Variants in CLMN observed in about 807,000 individuals in gnomAD.
CLMN encodes calmin.
In CLMN, 57 loss-of-function variants were observed where a neutral mutation model predicts 92.7. The ratio of observed to expected loss-of-function variants is 0.61; its 90% CI spans 0.50 to 0.77. The LOEUF (loss-of-function observed/expected upper bound fraction) is 0.77. Among genes scored for constraint, CLMN ranks in the 30% least tolerant of loss-of-function variants. The pLI is 0.00. For missense variants in CLMN, 1,158 were observed against 1,237.5 expected (o/e 0.94, Z 0.96); for synonymous variants, 466 against 470.6 (o/e 0.99, Z 0.13).
intron 1 of CLMN, among the ~76,000 whole-genome samples, chr14:95,261,545 G>A (rs1317936652): frequency 6.6e-6 from 1 of 152,254 alleles, no homozygotes; most frequent in Non-Finnish European, 1.5e-5. Flanking sequence ...CTCAGGTATA[G>A]TGCTGAAGTG....
At chr14:95,264,946 A>AC (rs1899412604) in intron 1 of CLMN, among the ~76,000 whole-genome samples, 1 of 151,380 alleles carries the variant, frequency 6.6e-6, no homozygotes, top group African/African-American at 2.4e-5. Context: ...TACCAAAAAA[A>AC]AAAAAAAAAA....
At chr14:95,236,241 T>C (rs1222751050) in intron 1 of CLMN, among the ~76,000 whole-genome samples, 1 of 152,236 alleles carries the variant, frequency 6.6e-6, no homozygotes, top group East Asian at 1.9e-4. Context: ...GCTGAGGTGC[T>C]GTGTGGTGCA....
At chr14:95,200,395 C>T (rs1016118634) in intron 9 of CLMN, among the ~76,000 whole-genome samples, 7 of 152,178 alleles carry the variant, frequency 4.6e-5, no homozygotes, top group Non-Finnish European at 5.9e-5. Flanking sequence ...CCAGATGCAT[C>T]GCTTTCCATG....
chr14:95,235,206 G>A (rs1431892143), intron 1 of CLMN, among the ~76,000 whole-genome samples: 1 of 152,094 alleles, frequency 6.6e-6, no homozygotes, highest in East Asian at 1.9e-4. Context: ...GTTTCTCAAC[G>A]TGTGGCCCAC....
At chr14:95,239,278 G>T (rs763725130) in intron 1 of CLMN, among the ~76,000 whole-genome samples, 2 of 152,148 alleles carry the variant, frequency 1.3e-5, no homozygotes, top group Non-Finnish European at 2.9e-5. Context: ...CTAAGACATA[G>T]ACCTCATGGG....
chr14:95,200,918 G>T (rs1378662514), intron 9 of CLMN, among the ~76,000 whole-genome samples: 1 of 150,326 alleles, frequency 6.7e-6, no homozygotes, highest in Non-Finnish European at 1.5e-5. Flanking sequence ...GTGCATGCTA[G>T]ATGTTAGCTA....
At chr14:95,245,254 A>ATATATAAT (rs1491364370) in intron 1 of CLMN, among the ~76,000 whole-genome samples, 2 of 27,976 alleles carry the variant, frequency 7.1e-5, no homozygotes, top group African/African-American at 2.1e-4. Flanking sequence ...ATATATATAT[A>ATATATAAT]ATATATATAT....
At chr14:95,236,283 T>C (rs1898053026) in intron 1 of CLMN, among the ~76,000 whole-genome samples, 1 of 152,172 alleles carries the variant, frequency 6.6e-6, no homozygotes, top group Non-Finnish European at 1.5e-5. Flanking sequence ...CCTGGGGGCA[T>C]GTGCTCTTCA....
At chr14:95,249,599 CT>C (rs757448498) in intron 1 of CLMN, among the ~76,000 whole-genome samples, 12 of 148,722 alleles carry the variant, frequency 8.1e-5, no homozygotes, top group Non-Finnish European at 9.0e-5. Flanking sequence ...TTTTCTTTTT[CT>C]TTTTTTTTTG....
At chr14:95,198,038 CTTTCTTTTTTTTTT>C (rs1378379627) in intron 9 of CLMN, among the ~76,000 whole-genome samples, 2,189 of 122,564 alleles carry the variant, frequency 0.018, 66 homozygotes, top group African/African-American at 0.061. Context: ...ATCTTTTTTT[CTTTCTTTTTTTTTT>C]TTTTTTTTTT....
chr14:95,193,433 A>C, intron 12 of CLMN: 2 of 1,473,550 alleles, frequency 1.4e-6, no homozygotes, highest in Non-Finnish European at 1.8e-6. Context: ...GGCAACAGAG[A>C]ATGGACAGGC....
At chr14:95,247,207 T>C (rs1898606294) in intron 1 of CLMN, among the ~76,000 whole-genome samples, 1 of 152,122 alleles carries the variant, frequency 6.6e-6, no homozygotes, top group Non-Finnish European at 1.5e-5. Flanking sequence ...TGGAATGAAG[T>C]CCCTACATGG....
chr14:95,208,741 G>A (rs1897114615), intron 8 of CLMN, among the ~76,000 whole-genome samples: 1 of 152,168 alleles, frequency 6.6e-6, no homozygotes, highest in Admixed American at 6.5e-5. Context: ...GTCAACTGTG[G>A]TCTGAAAAGA....
In CLMN at chr14:95,294,009, G is replaced by A. The variant is rs555104832; in HGVS notation, c.82+25702C>T. On this transcript the variant is annotated intron_variant, in intron 1 of 12. Transcript: ENST00000298912. The surrounding 1 kb of genome is among the most constrained non-coding windows in gnomAD (Gnocchi z 4.2). ...GCCAGCCCCACTGCCTGGCTGGAGG[G>A]TGACACCAAAGAGGAGGAGGAGGAG... Among the ~76,000 whole-genome samples the A allele has an allele frequency of 7.1e-6, 1 of 141,732 alleles. No homozygotes were observed. The highest frequency in any genetic ancestry group is 2.6e-5 in the African/African-American group (1 of 38,630). The allele number at this position is 141,732 out of a possible 152,430, so 93.0% of individuals were successfully genotyped here.
chr14:95,249,677 C>T (rs1898707531), intron 1 of CLMN, among the ~76,000 whole-genome samples: 1 of 152,062 alleles, frequency 6.6e-6, no homozygotes, highest in Non-Finnish European at 1.5e-5. Flanking sequence ...CTGCAACCTC[C>T]GCCTTCCGGA....
At chr14:95,195,235 T>C (rs1021627008) in intron 10 of CLMN, among the ~76,000 whole-genome samples, 1 of 152,240 alleles carries the variant, frequency 6.6e-6, no homozygotes, top group Middle Eastern at 3.2e-3. Context: ...AGCTGAGCAG[T>C]TGGGCAAATC....
rs187698965 is a variant in CLMN, at chr14:95,270,416, G to C, written c.83-40283C>G. ...GAACACACTCACCAAAAATACATTC[G>C]ATTACCCATTAGCTGTCATTCTCCA... On this transcript the variant is annotated intron_variant, in intron 1 of 12. Coordinates refer to ENST00000298912, the MANE Select transcript of CLMN (RefSeq NM_024734.4). Among the ~76,000 whole-genome samples the C allele has an allele frequency of 3.3e-5, 5 of 152,036 alleles. No individual in the cohort carries two copies. The East Asian group carries it at 9.7e-4, about 29-fold the overall frequency.
intron 1 of CLMN, among the ~76,000 whole-genome samples, chr14:95,244,025 C>T (rs1334872264): frequency 1.3e-5 from 2 of 152,098 alleles, no homozygotes; most frequent in African/African-American, 2.4e-5. Context: ...GCACCTTCCC[C>T]CTCTCTCTTT....
At chr14:95,316,780 C>A (rs142166148) in intron 1 of CLMN, among the ~76,000 whole-genome samples, 1 of 152,120 alleles carries the variant, frequency 6.6e-6, no homozygotes, top group Non-Finnish European at 1.5e-5. Context: ...CTCAGGGCTA[C>A]CCCTCATTAA....
Sources: gnomAD v4.1 joint callset for allele counts (sites outside exome capture counted in the v4.1 genomes callset) on GRCh38, gnomAD v4.1.1 for gene constraint, Gnocchi (gnomAD v3.1) non-coding constraint, MANE v1.5 for transcripts, NCBI Gene and HGNC (gene_info 2026-07-23, HGNC 2026-07-21) for gene names.